Variants in RTN4RL1 observed in about 807,000 individuals in gnomAD.
RTN4RL1 encodes the protein reticulon 4 receptor like 1, also known as reticulon-4 receptor-like 1.
A neutral mutation model predicts 25.6 loss-of-function variants in RTN4RL1; 7 were observed. The ratio of observed to expected loss-of-function variants is 0.27; its 90% CI spans 0.16 to 0.51. The LOEUF is 0.51. Among genes scored for constraint, RTN4RL1 ranks in the 20% least tolerant of loss-of-function variants. RTN4RL1 has a pLI of 0.97. For synonymous variants in RTN4RL1, 297 were observed against 288.2 expected, an observed-to-expected ratio of 1.03 and a Z score of -0.31; for missense variants, 500 against 615.6, an observed-to-expected ratio of 0.81 and a Z score of 1.99.
At chr17:1,966,016 C>T (rs2151311532) in intron 1 of RTN4RL1, among the ~76,000 whole-genome samples, 1 of 152,276 alleles carries the variant, frequency 6.6e-6, no homozygotes, top group Non-Finnish European at 1.5e-5. Context: ...ACAGCCAAGA[C>T]AAGCACATCA....
intron 1 of RTN4RL1, among the ~76,000 whole-genome samples, chr17:1,941,038 C>T (rs549342222): frequency 1.3e-5 from 2 of 152,326 alleles, no homozygotes; most frequent in Admixed American, 6.5e-5. Context: ...GACATTTGCA[C>T]AGCTTACTGG....
At chr17:1,963,822 C>A (rs1212555925) in intron 1 of RTN4RL1, among the ~76,000 whole-genome samples, 1 of 152,176 alleles carries the variant, frequency 6.6e-6, no homozygotes, top group Non-Finnish European at 1.5e-5. Context: ...ACCTCCACTT[C>A]ACGGGTTCAC....
Position 1,978,156 on chromosome 17 carries a change from G to C in RTN4RL1, c.14-40348C>G, listed in dbSNP as rs1414855650. ...GGGGTCAAGGTTGGGGCGGCTGCCA[G>C]GCCCTGCTGGGCTGCATTTAACCCC... On this transcript the variant is annotated intron_variant, in intron 1 of 1. Transcript: ENST00000331238. 2.6e-5 allele frequency among the ~76,000 whole-genome samples: 4 copies of C among 152,226 alleles called. No homozygotes were observed. The South Asian group carries it at 6.2e-4, about 24-fold the overall frequency.
At chr17:1,955,420 G>T (rs1015066399) in intron 1 of RTN4RL1, among the ~76,000 whole-genome samples, 1 of 151,700 alleles carries the variant, frequency 6.6e-6, no homozygotes, top group African/African-American at 2.4e-5. Context: ...GCCGGCTGTG[G>T]TGGCACATGC....
At chr17:1,986,609 C>T (rs2066888443) in intron 1 of RTN4RL1, among the ~76,000 whole-genome samples, 1 of 152,224 alleles carries the variant, frequency 6.6e-6, no homozygotes. Context: ...CAGAGAACCC[C>T]CACGGCCCCC....
intron 1 of RTN4RL1, among the ~76,000 whole-genome samples, chr17:2,001,950 G>A (rs905310725): frequency 6.6e-6 from 1 of 151,598 alleles, no homozygotes. Flanking sequence ...GGGAGGGAGT[G>A]GGGGGAGCTC....
intron 1 of RTN4RL1, among the ~76,000 whole-genome samples, chr17:1,959,200 C>T (rs1164145192): frequency 6.6e-6 from 1 of 152,266 alleles, no homozygotes; most frequent in Non-Finnish European, 1.5e-5. Flanking sequence ...GCACACAGTG[C>T]AGAAACTAAT....
At chr17:1,997,747 C>A (rs550369221) in intron 1 of RTN4RL1, among the ~76,000 whole-genome samples, 2 of 152,218 alleles carry the variant, frequency 1.3e-5, no homozygotes, top group African/African-American at 4.8e-5. Flanking sequence ...TCATCCAAGC[C>A]CCTGCTGGCT....
At chr17:1,991,386 GT>G (rs1287862308) in intron 1 of RTN4RL1, among the ~76,000 whole-genome samples, 2 of 120,710 alleles carry the variant, frequency 1.7e-5, no homozygotes, top group African/African-American at 3.1e-5. Context: ...CTGTGAGTTT[GT>G]TTTTTTTTGA....
chr17:2,010,588 C>G (rs77265541), intron 1 of RTN4RL1, among the ~76,000 whole-genome samples: 3,631 of 152,186 alleles, frequency 0.024, 129 homozygotes, highest in African/African-American at 0.08. Context: ...GGGTCTTGCT[C>G]TGCCACCCAG....
intron 1 of RTN4RL1, among the ~76,000 whole-genome samples, chr17:1,953,067 G>A (rs1206742943): frequency 6.6e-6 from 1 of 150,928 alleles, no homozygotes; most frequent in African/African-American, 2.4e-5. Context: ...GTGAGATCTA[G>A]TTTCAAAAAA....
At chr17:1,997,353 C>T (rs2066933789) in intron 1 of RTN4RL1, among the ~76,000 whole-genome samples, 1 of 152,228 alleles carries the variant, frequency 6.6e-6, no homozygotes, top group African/African-American at 2.4e-5. Context: ...GCTCCAGGAC[C>T]AGCCCAGCTG....
chr17:1,952,908 C>A (rs1444165205), intron 1 of RTN4RL1, among the ~76,000 whole-genome samples: 4 of 149,904 alleles, frequency 2.7e-5, no homozygotes, highest in Non-Finnish European at 5.9e-5. Context: ...GAAACCCCAT[C>A]TCTACTAAAA....
chr17:1,962,361 A>G (rs1453268817), intron 1 of RTN4RL1, among the ~76,000 whole-genome samples: 1 of 151,704 alleles, frequency 6.6e-6, no homozygotes, highest in Non-Finnish European at 1.5e-5. Context: ...TTTTCTTTTT[A>G]TTTACTTATT....
At chr17:2,023,241 G>A (rs901642708) in intron 1 of RTN4RL1, among the ~76,000 whole-genome samples, 1 of 152,160 alleles carries the variant, frequency 6.6e-6, no homozygotes, top group African/African-American at 2.4e-5. Context: ...CTCAGACCCG[G>A]GCTTCTGCTC....
At chr17:1,989,929 C>T (rs867856669) in intron 1 of RTN4RL1, among the ~76,000 whole-genome samples, 4 of 150,982 alleles carry the variant, frequency 2.6e-5, no homozygotes, top group East Asian at 3.9e-4. Context: ...GAGACCAGCC[C>T]GGGCAAGACA....
intron 1 of RTN4RL1, among the ~76,000 whole-genome samples, chr17:1,958,135 G>A (rs1201744622): frequency 6.7e-6 from 1 of 149,414 alleles, no homozygotes; most frequent in Non-Finnish European, 1.5e-5. Flanking sequence ...GGTTGCTATG[G>A]GTTGTGATTG....
At chr17:1,960,183 C>A (rs747109185) in intron 1 of RTN4RL1, among the ~76,000 whole-genome samples, 4 of 148,438 alleles carry the variant, frequency 2.7e-5, no homozygotes, top group Non-Finnish European at 6.0e-5. Context: ...CATCACCCCG[C>A]CCCCACCACC....
At chr17:1,955,430 C>T (rs1351129812) in intron 1 of RTN4RL1, among the ~76,000 whole-genome samples, 1 of 151,644 alleles carries the variant, frequency 6.6e-6, no homozygotes, top group Non-Finnish European at 1.5e-5. Flanking sequence ...GTGGCACATG[C>T]CTGTAATCCC....
Sources: allele counts gnomAD v4.1 joint callset (sites outside exome capture counted in the v4.1 genomes callset), GRCh38; gene constraint gnomAD v4.1.1; transcripts MANE v1.5; gene names NCBI Gene and HGNC (gene_info 2026-07-23, HGNC 2026-07-21).